Variants in GRAMD2B observed in about 807,000 individuals in gnomAD.
The protein encoded by GRAMD2B is GRAM domain-containing protein 2B.
GRAMD2B carries 41 observed loss-of-function variants against 59.2 expected under a neutral mutation model. That is an observed-to-expected ratio of 0.69 (90% CI 0.54 to 0.90). GRAMD2B has a LOEUF of 0.90. Among genes scored for constraint, GRAMD2B ranks in the 40% least tolerant of loss-of-function variants. The pLI, the probability that GRAMD2B is intolerant of heterozygous loss-of-function variation, is 0.00. For synonymous variants in GRAMD2B, 161 were observed against 182.7 expected, an observed-to-expected ratio of 0.88 and a Z score of 0.96; for missense variants, 424 against 500.5, an observed-to-expected ratio of 0.85 and a Z score of 1.46.
intron 1 of GRAMD2B, among the ~76,000 whole-genome samples, chr5:126,413,906 T>C (rs993415672): frequency 6.6e-6 from 1 of 152,142 alleles, no homozygotes; most frequent in Non-Finnish European, 1.5e-5. Flanking sequence ...AGAAAAATTG[T>C]GGCTTAGAGA....
At chr5:126,442,725 C>G (rs1203760333) in intron 1 of GRAMD2B, among the ~76,000 whole-genome samples, 2 of 152,098 alleles carry the variant, frequency 1.3e-5, no homozygotes, top group African/African-American at 4.8e-5. Context: ...CCACGTACAA[C>G]TGGTGTCTCT....
At chr5:126,436,351 G>C (rs2149815111) in intron 1 of GRAMD2B, among the ~76,000 whole-genome samples, 1 of 152,230 alleles carries the variant, frequency 6.6e-6, no homozygotes, top group African/African-American at 2.4e-5. Flanking sequence ...CATGAACTGT[G>C]TCCCCTAGAA....
chr5:126,423,832 A>ACT (rs34490811), intron 1 of GRAMD2B, 143 bp downstream of exon 1: 236,424 of 590,190 alleles, frequency 0.4, 44,677 homozygotes, highest in Admixed American at 0.46. Context: ...TCTGTCTCTC[A>ACT]CTCTCTCTCT....
intron 1 of GRAMD2B, among the ~76,000 whole-genome samples, chr5:126,361,704 G>A (rs1348195568): frequency 4.6e-5 from 7 of 152,146 alleles, no homozygotes; most frequent in African/African-American, 1.7e-4. Flanking sequence ...GCCCAGCCCA[G>A]TCACCAAACC....
chr5:126,384,648 A>G (rs887389549), intron 1 of GRAMD2B, among the ~76,000 whole-genome samples: 5 of 152,200 alleles, frequency 3.3e-5, no homozygotes, highest in Non-Finnish European at 5.9e-5. Context: ...CTTAAGGAGA[A>G]TTATCTGTGA....
At chr5:126,412,251 T>C (rs1033742871) in intron 1 of GRAMD2B, among the ~76,000 whole-genome samples, 1 of 152,124 alleles carries the variant, frequency 6.6e-6, no homozygotes, top group African/African-American at 2.4e-5. Context: ...GGCTTTGTCC[T>C]AGATGGCTCT....
At chr5:126,366,372 C>T (rs1454108121), upstream of GRAMD2B, among the ~76,000 whole-genome samples, 2 of 152,210 alleles carry the variant, frequency 1.3e-5, no homozygotes. Flanking sequence ...TGCAAACACA[C>T]AGCTGTTGTC....
chr5:126,396,185 T>G (rs542986427), intron 1 of GRAMD2B, among the ~76,000 whole-genome samples: 2 of 152,328 alleles, frequency 1.3e-5, no homozygotes, highest in East Asian at 3.9e-4. Flanking sequence ...TCAATTTAAC[T>G]TTTATTTTAA....
intron 13 of GRAMD2B, chr5:126,490,339 C>G (rs1391394836): frequency 1.1e-5 from 1 of 93,314 alleles, no homozygotes; most frequent in Non-Finnish European, 2.2e-5. Context: ...GTGTTTCTTC[C>G]CACTCTCCCG....
intron 13 of GRAMD2B, among the ~76,000 whole-genome samples, chr5:126,492,511 A>G (rs1016571313): frequency 6.6e-6 from 1 of 151,976 alleles, no homozygotes; most frequent in African/African-American, 2.4e-5. Flanking sequence ...ACTTGAGCCC[A>G]GGAGTTCTAG....
chr5:126,476,134 G>T (rs1033070963), intron 5 of GRAMD2B, among the ~76,000 whole-genome samples: 1 of 151,780 alleles, frequency 6.6e-6, no homozygotes, highest in African/African-American at 2.4e-5. Context: ...TTAGCTGGGT[G>T]TGGTGGCGCA....
At chr5:126,419,676 A>T (rs1196379348), upstream of GRAMD2B, among the ~76,000 whole-genome samples, 2 of 152,230 alleles carry the variant, frequency 1.3e-5, no homozygotes, top group Admixed American at 6.5e-5. Flanking sequence ...AGCTGTTTGC[A>T]TAGAAGCTCC....
intron 1 of GRAMD2B, among the ~76,000 whole-genome samples, chr5:126,399,714 A>G (rs1056789364): frequency 2.0e-4 from 30 of 152,118 alleles, no homozygotes; most frequent in African/African-American, 7.2e-4. Context: ...TGTTGAATTG[A>G]CCCTTTTAAC....
chr5:126,412,371 T>C (rs962743907), intron 1 of GRAMD2B, among the ~76,000 whole-genome samples: 1 of 152,156 alleles, frequency 6.6e-6, no homozygotes, highest in Non-Finnish European at 1.5e-5. Context: ...GATAATCATA[T>C]GGTTTTTGTT....
intron 1 of GRAMD2B, among the ~76,000 whole-genome samples, chr5:126,400,061 T>G (rs984646727): frequency 7.0e-6 from 1 of 143,298 alleles, no homozygotes; most frequent in Admixed American, 6.9e-5. Flanking sequence ...TGTGATTTGA[T>G]TTTTTTTTTT....
chr5:126,480,365 C>T, intron 6 of GRAMD2B, 91 bp from the exon 7 acceptor site: 1 of 833,572 alleles, frequency 1.2e-6, no homozygotes, highest in Non-Finnish European at 1.9e-6. Flanking sequence ...TTTGAAAATG[C>T]AAAAGCTGTA....
At chr5:126,368,260 G>A (rs745928003), upstream of GRAMD2B, among the ~76,000 whole-genome samples, 10 of 152,194 alleles carry the variant, frequency 6.6e-5, no homozygotes, top group Non-Finnish European at 1.5e-4. Context: ...ACACACAAAT[G>A]AAAGCTGTGG....
At chr5:126,462,316 TA>T in intron 1 of GRAMD2B, 1 of 594,586 alleles carries the variant, frequency 1.7e-6, no homozygotes, top group Non-Finnish European at 2.1e-6. Flanking sequence ...GACAGTAACT[TA>T]AAAGTTTCCA....
intron 1 of GRAMD2B, among the ~76,000 whole-genome samples, chr5:126,426,717 G>A (rs780000074): frequency 5.3e-5 from 8 of 152,154 alleles, no homozygotes; most frequent in Admixed American, 1.3e-4. Context: ...TAATACGCTT[G>A]TAGCTGACAT....
Sources: gnomAD v4.1 joint callset for allele counts (sites outside exome capture counted in the v4.1 genomes callset) on GRCh38, gnomAD v4.1.1 for gene constraint, MANE v1.5 for transcripts, NCBI Gene and HGNC (gene_info 2026-07-23, HGNC 2026-07-21) for gene names.